Variants in INPP5B observed in about 807,000 individuals in gnomAD.
INPP5B encodes type II inositol 1,4,5-trisphosphate 5-phosphatase.
A neutral mutation model predicts 118.5 loss-of-function variants in INPP5B; 90 were observed. The ratio of observed to expected loss-of-function variants is 0.76; its 90% CI spans 0.64 to 0.90. The LOEUF (loss-of-function observed/expected upper bound fraction) is 0.90. INPP5B is among the 40% of genes least tolerant of loss of function. INPP5B has a pLI of 0.00. For missense variants in INPP5B, 984 were observed against 1,125.6 expected, an observed-to-expected ratio of 0.87 and a Z score of 1.80; for synonymous variants, 385 against 418.9, an observed-to-expected ratio of 0.92 and a Z score of 0.99.
chr1:37,923,749 A>G (rs1173810973), intron 7 of INPP5B, among the ~76,000 whole-genome samples: 6 of 150,842 alleles, frequency 4.0e-5, no homozygotes, highest in Non-Finnish European at 7.4e-5. Flanking sequence ...CAGAAATATG[A>G]AAATGGAGGG....
At chr1:37,893,011 T>C (rs1038713522) in intron 7 of INPP5B, among the ~76,000 whole-genome samples, 1 of 152,034 alleles carries the variant, frequency 6.6e-6, no homozygotes, top group Non-Finnish European at 1.5e-5. Context: ...TCCAAAACTG[T>C]GAAAAATAAA....
chr1:37,945,451 T>C (rs2148705276), intron 3 of INPP5B, among the ~76,000 whole-genome samples: 2 of 152,100 alleles, frequency 1.3e-5, no homozygotes, highest in South Asian at 4.2e-4. Context: ...AAACAATAGA[T>C]CATGTGGCTT....
intron 16 of INPP5B, 100 bp from the exon 17 acceptor site, chr1:37,875,816 G>C: frequency 1.3e-6 from 1 of 753,482 alleles, no homozygotes; most frequent in South Asian, 1.6e-5. Context: ...GCAGTTGATA[G>C]CAACACAGAA....
chr1:37,868,360 C>A, intron 20 of INPP5B, 141 bp downstream of exon 20: 4 of 525,898 alleles, frequency 7.6e-6, no homozygotes, highest in Admixed American at 3.0e-5. Context: ...GAGTGTGAAA[C>A]ATGGCATACT....
rs555314607 is a variant in INPP5B at position 37,937,419 on chromosome 1, G to T, written c.391+3269C>A. Among the ~76,000 whole-genome samples the T allele has an allele frequency of 1.8e-4, 28 of 152,252 alleles. No homozygotes were observed. The South Asian group carries it at 3.1e-3, about 17-fold the overall frequency. ...AGCTGAGATGGGCAGGTCACCTGAG[G>T]TCAGGAGTTCAAGACTAGCCTGGCC... is the stretch of plus-strand genomic sequence containing the variant. On this transcript the variant is annotated intron_variant, in intron 6 of 23. Coordinates refer to ENST00000373024, the MANE Select transcript of INPP5B (RefSeq NM_005540.3).
At chr1:37,892,270 G>A (rs967196602) in intron 7 of INPP5B, among the ~76,000 whole-genome samples, 4 of 152,184 alleles carry the variant, frequency 2.6e-5, no homozygotes, top group African/African-American at 9.7e-5. Flanking sequence ...CTGAAGAGGA[G>A]AAAGGCAAGG....
intron 7 of INPP5B, among the ~76,000 whole-genome samples, chr1:37,897,528 G>A (rs1344187542): frequency 6.6e-6 from 1 of 150,802 alleles, no homozygotes. Flanking sequence ...ACAGATGCTT[G>A]AAGGCAGCAT....
At chr1:37,884,919 CA>C (rs1247971887) in intron 13 of INPP5B, 1 of 151,858 alleles carries the variant, frequency 6.6e-6, no homozygotes, top group Non-Finnish European at 1.5e-5. Context: ...CACTGCACTC[CA>C]GCCTGGGAGA....
chr1:37,905,759 G>A (rs538592604), intron 7 of INPP5B, among the ~76,000 whole-genome samples: 1 of 152,344 alleles, frequency 6.6e-6, no homozygotes, highest in Admixed American at 6.5e-5. Flanking sequence ...ATGCAAAGCT[G>A]AAATGTTCAT....
At chr1:37,936,602 C>G (rs1217346397) in intron 6 of INPP5B, among the ~76,000 whole-genome samples, 1 of 151,860 alleles carries the variant, frequency 6.6e-6, no homozygotes, top group African/African-American at 2.4e-5. Context: ...GCCAGGGAGT[C>G]TCAAAAAAAA....
chr1:37,939,261 G>A (rs1377426443), intron 6 of INPP5B, among the ~76,000 whole-genome samples: 3 of 150,870 alleles, frequency 2.0e-5, no homozygotes, highest in South Asian at 4.2e-4. Context: ...CTATTCAGGA[G>A]GCTGAGGCAG....
chr1:37,943,655 C>CT lies in INPP5B; in HGVS notation c.264_265insA (p.Glu89ArgfsTer19). ...GACCACTCACCAAGGATGTAGAGTT[C>CT]ACCATCTGGGGACACTGTGGGGAGG... On this transcript the variant is annotated frameshift_variant, in exon 5 of 24. Transcript: ENST00000373024. LOFTEE classifies it high-confidence loss of function. 1.9e-6 allele frequency: 3 copies of CT among 1,614,090 alleles called. No individual in the cohort carries two copies. The highest frequency in any genetic ancestry group is 1.6e-4 in the Middle Eastern group (1 of 6,062).
At chr1:37,886,740 T>C (rs1193809778) in intron 12 of INPP5B, 148 bp downstream of exon 12, 1 of 659,238 alleles carries the variant, frequency 1.5e-6, no homozygotes, top group Non-Finnish European at 2.7e-6. Context: ...AATAGTTTGC[T>C]CGACTGAGCC....
At chr1:37,878,630 AT>A (rs1557635958) in intron 15 of INPP5B, 1 of 243,694 alleles carries the variant, frequency 4.1e-6, no homozygotes, top group Non-Finnish European at 6.6e-6. Context: ...TATGGTCTTT[AT>A]TTTTTATTTT....
At chr1:37,878,498 G>A in intron 15 of INPP5B, 175 bp from the exon 16 acceptor site, 1 of 985,206 alleles carries the variant, frequency 1.0e-6, no homozygotes, top group Non-Finnish European at 1.2e-6. Context: ...GTATCCTGTG[G>A]GTATCATCCA....
chr1:37,925,388 C>T (rs1382164297), intron 7 of INPP5B, among the ~76,000 whole-genome samples: 1 of 152,034 alleles, frequency 6.6e-6, no homozygotes, highest in African/African-American at 2.4e-5. Flanking sequence ...AATAACAAAA[C>T]TGTTAGAGCG....
Position 37,891,414 on chromosome 1 carries a change from T to A in INPP5B, c.573A>T (p.Gly191=). ...NFDGLRPNGK[G]VPMDQSSRGQ... ...CCCTGGAGCTTTGGTCCATAGGCAC[T>A]CCCTTCCCATTTGGTCTCAAACCAT... The change falls in exon 8 of 24, where the codon GGA becomes GGT. Residue 191 remains glycine (G), a synonymous_variant. Transcript: ENST00000373024. 6.2e-7 allele frequency: 1 copy of A among 1,614,046 alleles called. No individual in the cohort carries two copies. The highest frequency in any genetic ancestry group is 2.2e-5 in the East Asian group (1 of 44,874).
intron 6 of INPP5B, among the ~76,000 whole-genome samples, chr1:37,936,709 T>C (rs1385775954): frequency 6.6e-6 from 1 of 150,928 alleles, no homozygotes; most frequent in African/African-American, 2.4e-5. Flanking sequence ...GGGCTCAGGC[T>C]CTGGAGCAGA....
At chr1:37,893,694 G>A (rs1643915121) in intron 7 of INPP5B, among the ~76,000 whole-genome samples, 1 of 152,080 alleles carries the variant, frequency 6.6e-6, no homozygotes, top group African/African-American at 2.4e-5. Flanking sequence ...ATCTTTTAAA[G>A]GCTTCATACT....
Sources: gnomAD v4.1 joint callset for allele counts (sites outside exome capture counted in the v4.1 genomes callset) on GRCh38, gnomAD v4.1.1 for gene constraint, MANE v1.5 for transcripts, NCBI Gene and HGNC (gene_info 2026-07-23, HGNC 2026-07-21) for gene names.